The following PCNX2 variants were observed in gnomAD, a reference collection of about 807,000 sequenced individuals.
The protein encoded by PCNX2 is pecanex-like protein 2.
PCNX2 carries 168 observed loss-of-function variants against 223.8 expected under a neutral mutation model. The observed-to-expected ratio is 0.75, with a 90% CI of 0.66 to 0.85. The LOEUF is 0.85. Ranked by LOEUF, PCNX2 falls within the 40% of genes least tolerant of loss-of-function variation. The pLI is 0.00. For synonymous variants in PCNX2, 1,006 were observed against 1,052.6 expected (o/e 0.96, Z 0.86); for missense variants, 2,507 against 2,675.5 (o/e 0.94, Z 1.39).
chr1:233,293,655 T>C (rs937269309), intron 1 of PCNX2, among the ~76,000 whole-genome samples: 2 of 152,182 alleles, frequency 1.3e-5, no homozygotes, highest in Admixed American at 1.3e-4. Context: ...TTTTAGAAGA[T>C]GGGGAAGGAT....
intron 1 of PCNX2, among the ~76,000 whole-genome samples, chr1:233,278,114 A>G (rs912648207): frequency 1.8e-4 from 27 of 152,198 alleles, no homozygotes; most frequent in African/African-American, 6.5e-4. Context: ...TCAAGTAATT[A>G]TAAACTCCCC....
chr1:233,324,277 A>G, the PCNX2 span, among the ~76,000 whole-genome samples: 6 of 152,272 alleles, frequency 3.9e-5, no homozygotes, highest in Non-Finnish European at 8.8e-5. Flanking sequence ...GTTATCCAGA[A>G]CATCTAGCTA....
intron 1 of PCNX2, among the ~76,000 whole-genome samples, chr1:233,282,207 C>T (rs1032419485): frequency 3.3e-5 from 5 of 152,064 alleles, no homozygotes; most frequent in Admixed American, 6.5e-5. Context: ...CCTTGTCTCC[C>T]GACGCCTCCT....
intron 15 of PCNX2, among the ~76,000 whole-genome samples, chr1:233,190,335 T>C (rs1368890250): frequency 6.6e-6 from 1 of 152,146 alleles, no homozygotes; most frequent in Non-Finnish European, 1.5e-5. Context: ...ATGGGTGAGC[T>C]TTTCTTGTTT....
Position 233,253,432 on chromosome 1 carries a change from C to G in PCNX2, c.1835-644G>C, listed in dbSNP as rs1320260261. On this transcript the variant is annotated intron_variant, in intron 5 of 33. Coordinates refer to ENST00000258229, the MANE Select transcript of PCNX2 (RefSeq NM_014801.4). The surrounding 1 kb of genome is among the most constrained non-coding windows in gnomAD (Gnocchi z 4.2). ...GAGTCATAGCACGCTGCAGCTTCAA[C>G]CTCTTGGGCACAAGTGACTCTCCTA... Among the ~76,000 whole-genome samples, 1 of 152,196 alleles carries G rather than the reference C, an allele frequency of 6.6e-6. No individual in the cohort carries two copies. The highest frequency in any genetic ancestry group is 1.5e-5 in the Non-Finnish European group (1 of 68,042).
chr1:233,096,829 G>A (rs1232332842), intron 21 of PCNX2, among the ~76,000 whole-genome samples: 2 of 152,212 alleles, frequency 1.3e-5, no homozygotes, highest in African/African-American at 4.8e-5. Flanking sequence ...GTTGGGCAAT[G>A]GGGCCATTAA....
At chr1:233,020,457 G>A (rs976260337) in intron 26 of PCNX2, among the ~76,000 whole-genome samples, 3 of 152,232 alleles carry the variant, frequency 2.0e-5, no homozygotes, top group African/African-American at 7.2e-5. Context: ...AACCTAGACT[G>A]TGCTGAAAGC....
At chr1:233,018,747 G>T in intron 26 of PCNX2, 1 of 985,038 alleles carries the variant, frequency 1.0e-6, no homozygotes, top group South Asian at 4.7e-5. Context: ...GGCACCCCTG[G>T]AATGAGGCTG....
At chr1:233,075,443 A>G (rs964430274) in intron 23 of PCNX2, among the ~76,000 whole-genome samples, 7 of 152,128 alleles carry the variant, frequency 4.6e-5, no homozygotes, top group Admixed American at 4.6e-4. Context: ...GGAAGGAAGT[A>G]TGTGTGCTCT....
chr1:233,076,802 A>G (rs1037416187), intron 23 of PCNX2, among the ~76,000 whole-genome samples: 3 of 152,204 alleles, frequency 2.0e-5, no homozygotes, highest in Non-Finnish European at 2.9e-5. Flanking sequence ...TCATGTTTGC[A>G]TTTTTATGAT....
chr1:233,200,144 A>AACGACTT lies in PCNX2; in HGVS notation c.2974+3_2974+9dup. ...TCCTTTACAGGAAGAATAGAATGTA[A>AACGACTT]ACGACTTACCAGAACCACCAAAAAA... On this transcript the variant is annotated intron_variant, in intron 14 of 33. Coordinates refer to ENST00000258229, the MANE Select transcript of PCNX2 (RefSeq NM_014801.4). 1 of 1,541,844 alleles carries AACGACTT rather than the reference A, an allele frequency of 6.5e-7. No homozygotes were observed. Among genetic ancestry groups the AACGACTT allele is most frequent in the Non-Finnish European group, 8.8e-7 (1 of 1,131,866 alleles).
intron 9 of PCNX2, among the ~76,000 whole-genome samples, chr1:233,232,214 A>G (rs1459031312): frequency 1.3e-5 from 2 of 152,236 alleles, no homozygotes; most frequent in South Asian, 4.1e-4. Flanking sequence ...CAATGGTTCA[A>G]CTTATGATTT....
chr1:233,106,552 C>T (rs751930400), intron 21 of PCNX2, among the ~76,000 whole-genome samples: 8 of 151,842 alleles, frequency 5.3e-5, no homozygotes, highest in Non-Finnish European at 1.2e-4. Flanking sequence ...CGGGGTTTCA[C>T]CGTGTTAGTC....
chr1:233,291,187 G>C (rs1038442886), intron 1 of PCNX2: 6 of 715,014 alleles, frequency 8.4e-6, no homozygotes, highest in African/African-American at 1.9e-5. Flanking sequence ...ATGACTGTGG[G>C]CAAATAGCTG....
chr1:233,198,020 A>G (rs186148843), intron 15 of PCNX2, among the ~76,000 whole-genome samples: 7 of 152,250 alleles, frequency 4.6e-5, no homozygotes, highest in African/African-American at 1.7e-4. Flanking sequence ...GACATTATGT[A>G]TACTGTTATA....
intron 32 of PCNX2, among the ~76,000 whole-genome samples, chr1:232,993,365 G>C (rs1004101208): frequency 1.3e-5 from 2 of 152,168 alleles, no homozygotes; most frequent in East Asian, 1.9e-4. Flanking sequence ...GTGGAACTTC[G>C]AACTTGAGAG....
rs939238598 is a variant in PCNX2, at chr1:233,277,171, G to C, written c.154-14008C>G. Among the ~76,000 whole-genome samples, 134 of 152,260 alleles carry C rather than the reference G, an allele frequency of 8.8e-4. 1 individual carries two copies. Among genetic ancestry groups the C allele is most frequent in the African/African-American group, 3.0e-3 (126 of 41,556 alleles). On this transcript the variant is annotated intron_variant, in intron 1 of 33. Coordinates refer to ENST00000258229, the MANE Select transcript of PCNX2 (RefSeq NM_014801.4). ...GGTGGGAGGGCAGAAAAGAAGAAAG[G>C]AGTGGGATAAGTCTGGGAAGGTGGG...
chr1:233,285,782 A>T (rs1661418469), intron 1 of PCNX2, among the ~76,000 whole-genome samples: 1 of 152,346 alleles, frequency 6.6e-6, no homozygotes, highest in Non-Finnish European at 1.5e-5. Context: ...TCCATATACA[A>T]CTAATGGCAT....
chr1:233,034,466 G>A lies in PCNX2; in HGVS notation c.4352-9067C>T, dbSNP rs781324042. Among the ~76,000 whole-genome samples the A allele has an allele frequency of 3.3e-5, 5 of 152,182 alleles. No individual in the cohort carries two copies. The South Asian group carries it at 1.0e-3, about 32-fold the overall frequency. ...CCAGAACTGTGAGAAATAAATGTTT[G>A]TTGTCTAAGCCGCCCAGTCTATGGT... On this transcript the variant is annotated intron_variant, in intron 25 of 33. Coordinates refer to ENST00000258229, the MANE Select transcript of PCNX2 (RefSeq NM_014801.4).
Sources: gnomAD v4.1 joint callset for allele counts (sites outside exome capture counted in the v4.1 genomes callset) on GRCh38, gnomAD v4.1.1 for gene constraint, Gnocchi (gnomAD v3.1) non-coding constraint, MANE v1.5 for transcripts, NCBI Gene and HGNC (gene_info 2026-07-23, HGNC 2026-07-21) for gene names.